The following ELP4 variants were observed in gnomAD, a reference collection of about 807,000 sequenced individuals.
ELP4 encodes the protein elongator acetyltransferase complex subunit 4.
ELP4 carries 51 observed loss-of-function variants against 48.9 expected under a neutral mutation model. That is an observed-to-expected ratio of 1.04 (90% CI 0.83 to 1.32). The LOEUF (loss-of-function observed/expected upper bound fraction) is 1.32, where lower values mean the gene tolerates loss of function less well. Among genes scored for constraint, ELP4 ranks in the 40% most tolerant of loss-of-function variants. The probability of loss-of-function intolerance (pLI) is 0.00; values close to 1 mark genes in which losing one functional copy is unlikely to be tolerated. For synonymous variants in ELP4, 210 were observed against 189.2 expected (o/e 1.11, Z -0.90); for missense variants, 519 against 514.6 (o/e 1.01, Z -0.08).
At chr11:31,660,879 GA>G (rs1375207063) in intron 9 of ELP4, among the ~76,000 whole-genome samples, 3 of 151,786 alleles carry the variant, frequency 2.0e-5, no homozygotes. Flanking sequence ...ATAAGTCTTA[GA>G]AAAAATGGTG....
chr11:31,760,508 T>C (rs185682386), intron 9 of ELP4, among the ~76,000 whole-genome samples: 1 of 152,230 alleles, frequency 6.6e-6, no homozygotes, highest in Non-Finnish European at 1.5e-5. Flanking sequence ...AGTTTAAGTA[T>C]GCTAGATTTT....
chr11:31,635,512 T>G (rs1429094110), intron 7 of ELP4, among the ~76,000 whole-genome samples: 1 of 151,768 alleles, frequency 6.6e-6, no homozygotes, highest in Non-Finnish European at 1.5e-5. Context: ...GATACTAGAG[T>G]CAAAATTTAG....
At chr11:31,593,935 G>A (rs1385417232) in intron 3 of ELP4, among the ~76,000 whole-genome samples, 2 of 152,112 alleles carry the variant, frequency 1.3e-5, no homozygotes, top group Non-Finnish European at 2.9e-5. Flanking sequence ...CTAAGCATAA[G>A]TAAATTTGAT....
intron 9 of ELP4, among the ~76,000 whole-genome samples, chr11:31,756,731 A>G (rs765145113): frequency 6.6e-6 from 1 of 152,254 alleles, no homozygotes; most frequent in Non-Finnish European, 1.5e-5. Flanking sequence ...TTATGTAAGT[A>G]TTAAGCAAAA....
At chr11:31,607,443 G>C (rs1293609112) in intron 5 of ELP4, among the ~76,000 whole-genome samples, 1 of 152,156 alleles carries the variant, frequency 6.6e-6, no homozygotes, top group South Asian at 2.1e-4. Context: ...TTCTCCAAAG[G>C]AGAGAAATGA....
chr11:31,756,914 C>A (rs1357861790), intron 9 of ELP4, among the ~76,000 whole-genome samples: 1 of 152,166 alleles, frequency 6.6e-6, no homozygotes, highest in Non-Finnish European at 1.5e-5. Context: ...TGGCTGATAA[C>A]AATGGTATTG....
intron 9 of ELP4, among the ~76,000 whole-genome samples, chr11:31,774,532 A>C (rs1004598035): frequency 2.6e-5 from 4 of 152,324 alleles, no homozygotes; most frequent in Non-Finnish European, 4.4e-5. Context: ...TAACTCTAGC[A>C]TGAGTTCATC....
At chr11:31,594,403 C>T (rs1957638788) in intron 3 of ELP4, among the ~76,000 whole-genome samples, 1 of 151,980 alleles carries the variant, frequency 6.6e-6, no homozygotes, top group Admixed American at 6.6e-5. Flanking sequence ...TTATTTTTAC[C>T]TTGTGGCCAA....
intron 9 of ELP4, chr11:31,780,547 T>A (rs1017952206): frequency 5.9e-5 from 9 of 152,316 alleles, no homozygotes; most frequent in African/African-American, 2.2e-4. Context: ...TAAAAGCAGT[T>A]AATCATATTA....
intron 5 of ELP4, among the ~76,000 whole-genome samples, chr11:31,618,971 T>A (rs1944556244): frequency 6.6e-6 from 1 of 151,984 alleles, no homozygotes; most frequent in Non-Finnish European, 1.5e-5. Context: ...AAAGCAGTTT[T>A]AATGGATGGG....
intron 3 of ELP4, among the ~76,000 whole-genome samples, chr11:31,571,826 G>T (rs973053633): frequency 1.3e-5 from 2 of 152,140 alleles, no homozygotes; most frequent in East Asian, 3.9e-4. Context: ...TGAGCAGTAG[G>T]TTTCCATATA....
chr11:31,672,022 T>G (rs1175745945), intron 9 of ELP4, among the ~76,000 whole-genome samples: 1 of 151,954 alleles, frequency 6.6e-6, no homozygotes, highest in African/African-American at 2.4e-5. Flanking sequence ...TGTTCATTTT[T>G]GTTTTTCTGG....
intron 9 of ELP4, among the ~76,000 whole-genome samples, chr11:31,674,647 A>T (rs1945879928): frequency 6.6e-6 from 1 of 152,174 alleles, no homozygotes; most frequent in Non-Finnish European, 1.5e-5. Context: ...ATTTTTCTTA[A>T]TTTTACCAGT....
At chr11:31,583,843 T>G (rs1221762696) in intron 3 of ELP4, among the ~76,000 whole-genome samples, 1 of 152,234 alleles carries the variant, frequency 6.6e-6, no homozygotes, top group Non-Finnish European at 1.5e-5. Context: ...ATTCCAGAAC[T>G]GTGAAATAGA....
chr11:31,513,929 G>A (rs1205066659), intron 1 of ELP4, among the ~76,000 whole-genome samples: 1 of 152,072 alleles, frequency 6.6e-6, no homozygotes, highest in African/African-American at 2.4e-5. Context: ...GTGAAATCTT[G>A]ATGAAATTAA....
chr11:31,520,108 T>C lies in ELP4; in HGVS notation c.259+17T>C. 6.2e-7 allele frequency: 1 copy of C among 1,603,624 alleles called. No individual in the cohort carries two copies. Among genetic ancestry groups the C allele is most frequent in the Non-Finnish European group, 8.5e-7 (1 of 1,174,728 alleles). ...TTCTAATTGGTTAGTACAAAATACA[T>C]GCTTTGCTCTCCTCTATCATTGTTT... is the stretch of plus-strand genomic sequence containing the variant. On this transcript the variant is annotated intron_variant, in intron 2 of 9. Coordinates refer to ENST00000640961, the MANE Select transcript of ELP4 (RefSeq NM_019040.5).
Position 31,627,137 on chromosome 11 carries a change from G to A in ELP4, c.681G>A (p.Leu227=). The part of the protein sequence containing the change: ...PCSLTPGYTK[L]LQFIQNIIYE... ...CTTTGACCCCTGGCTACACAAAGCT[G>A]CTTCAGTTTATCCAGAACATCATTT... Residue 227 remains leucine (L), a synonymous_variant, in exon 6 of 10, where the codon CTG becomes CTA. Transcript: ENST00000640961. 6.2e-7 allele frequency: 1 copy of A among 1,607,576 alleles called. No individual in the cohort carries two copies. The highest frequency in any genetic ancestry group is 1.7e-5 in the Admixed American group (1 of 59,648).
At chr11:31,558,872 AAAG>A (rs1956971496) in intron 3 of ELP4, among the ~76,000 whole-genome samples, 1 of 152,194 alleles carries the variant, frequency 6.6e-6, no homozygotes, top group Admixed American at 6.5e-5. Context: ...TCATCATTGA[AAAG>A]AAGCCACCAA....
intron 1 of ELP4, among the ~76,000 whole-genome samples, chr11:31,514,181 A>C (rs1418140190): frequency 6.6e-6 from 1 of 152,222 alleles, no homozygotes; most frequent in East Asian, 1.9e-4. Context: ...TTTGCTGGCC[A>C]GGTGTGGTAG....
Sources: gnomAD v4.1 joint callset for allele counts (sites outside exome capture counted in the v4.1 genomes callset) on GRCh38, gnomAD v4.1.1 for gene constraint, MANE v1.5 for transcripts, NCBI Gene and HGNC (gene_info 2026-07-23, HGNC 2026-07-21) for gene names.